Variants in DYM observed in about 807,000 individuals in gnomAD.
The protein encoded by DYM is dyggve-Melchior-Clausen syndrome protein.
In DYM, 78 loss-of-function variants were observed where a neutral mutation model predicts 93.1. That is an observed-to-expected ratio of 0.84 (90% CI 0.70 to 1.01). The LOEUF is 1.01. Among genes scored for constraint, DYM ranks in the 50% least tolerant of loss-of-function variants. The pLI is 0.00. For synonymous variants in DYM, 321 were observed against 319.7 expected (o/e 1.00, Z -0.04); for missense variants, 789 against 845.0 (o/e 0.93, Z 0.82).
At chr18:49,414,754 G>A (rs1018156287) in intron 2 of DYM, among the ~76,000 whole-genome samples, 57 of 152,220 alleles carry the variant, frequency 3.7e-4, no homozygotes, top group African/African-American at 1.3e-3. Flanking sequence ...ATCTCCTAAA[G>A]CTATTGCTCT....
At chr18:49,202,412 C>G (rs1466910230) in intron 14 of DYM, among the ~76,000 whole-genome samples, 3 of 148,118 alleles carry the variant, frequency 2.0e-5, no homozygotes, top group East Asian at 2.0e-4. Flanking sequence ...GCCCGGCCGC[C>G]ACCCCGTCTG....
intron 6 of DYM, among the ~76,000 whole-genome samples, chr18:49,340,241 T>A (rs1404753698): frequency 6.6e-6 from 1 of 152,018 alleles, no homozygotes; most frequent in East Asian, 1.9e-4. Flanking sequence ...CGTGAGCCAC[T>A]GCACCCGGCC....
chr18:49,229,515 T>C (rs960729481), intron 13 of DYM, among the ~76,000 whole-genome samples: 11 of 152,044 alleles, frequency 7.2e-5, no homozygotes, highest in African/African-American at 2.4e-4. Flanking sequence ...AAAGAACACA[T>C]GAAAAGATGC....
intron 13 of DYM, among the ~76,000 whole-genome samples, chr18:49,236,237 T>C (rs1316130086): frequency 6.6e-6 from 1 of 152,098 alleles, no homozygotes; most frequent in African/African-American, 2.4e-5. Flanking sequence ...TCCCAGCACC[T>C]TGAGAGGCTG....
At position 49,191,715 on chromosome 18, in the gene DYM, C is replaced by T. The variant is rs1600491396; in HGVS notation, c.1625+17836G>A. ...TGTGAGTAGGTAAAGAACAGAAGTTCAATAATTTAGACACAAATATAATTT... is the reference window on the plus strand; with the variant it reads ...TGTGAGTAGGTAAAGAACAGAAGTTTAATAATTTAGACACAAATATAATTT... On this transcript the variant is annotated intron_variant, in intron 14 of 17. Coordinates refer to ENST00000675505, the MANE Select transcript of DYM (RefSeq NM_001353214.3). 2.6e-5 allele frequency among the ~76,000 whole-genome samples: 4 copies of T among 152,014 alleles called. 1 individual carries two copies. The South Asian group carries it at 8.4e-4, about 32-fold the overall frequency.
At chr18:49,121,610 T>C (rs950329980) in intron 15 of DYM, among the ~76,000 whole-genome samples, 3 of 151,968 alleles carry the variant, frequency 2.0e-5, no homozygotes, top group Non-Finnish European at 2.9e-5. Context: ...TGTACTTAGA[T>C]CCATCAAATT....
intron 6 of DYM, chr18:49,359,620 G>A (rs1428112687): frequency 6.6e-6 from 1 of 152,142 alleles, no homozygotes; most frequent in Admixed American, 6.5e-5. Flanking sequence ...GCATACACAT[G>A]TATGTGTCCG....
intron 5 of DYM, among the ~76,000 whole-genome samples, chr18:49,374,198 G>GAA (rs2067282361): frequency 1.3e-5 from 2 of 152,110 alleles, no homozygotes; most frequent in South Asian, 4.1e-4. Context: ...TTCTCTCCTA[G>GAA]AAAAAAATAA....
At chr18:49,378,495 T>C (rs2067723702) in intron 5 of DYM, 72 bp downstream of exon 5, 1 of 1,426,680 alleles carries the variant, frequency 7.0e-7, no homozygotes, top group Non-Finnish European at 9.8e-7. Context: ...AAAATCATAC[T>C]TTTATTCCTG....
rs116163618 is a variant in DYM, at chr18:49,363,728, C to T, written c.422-495G>A. ...CCTCTGGCACTCCACGGATCATAGA[C>T]TGAACCCCATTAAAGAGGCCAACCT... On this transcript the variant is annotated intron_variant, in intron 5 of 17. Coordinates refer to ENST00000675505, the MANE Select transcript of DYM (RefSeq NM_001353214.3). Among the ~76,000 whole-genome samples the T allele has an allele frequency of 3.4e-3, 524 of 152,286 alleles. 3 individuals are homozygous for T. Among genetic ancestry groups the T allele is most frequent in the African/African-American group, 0.012 (486 of 41,552 alleles).
At chr18:49,426,062 C>T (rs7244976) in intron 2 of DYM, among the ~76,000 whole-genome samples, 105,277 of 151,400 alleles carry the variant, frequency 0.7, 36,725 homozygotes, top group Admixed American at 0.74. Context: ...ACCCACAGGA[C>T]CGTAAAGCAT....
At chr18:49,317,652 CCTTCCT>C (rs1568236908) in intron 8 of DYM, among the ~76,000 whole-genome samples, 48 of 58,728 alleles carry the variant, frequency 8.2e-4, no homozygotes, top group African/African-American at 2.9e-3. Context: ...TCCTCTCCTT[CCTTCCT>C]TCCTTCCTTC....
chr18:49,430,714 G>A lies in DYM; in HGVS notation c.-53-267C>T, dbSNP rs573829730. 3.2e-3 allele frequency among the ~76,000 whole-genome samples: 485 copies of A among 152,032 alleles called. 2 individuals are homozygous for A. The highest frequency in any genetic ancestry group is 5.8e-3 in the Non-Finnish European group (391 of 67,978). ...ATCCTGGCCAACACGGTGAAACCCCGTCTCTACTAAAAATACAAAACTTAG... is the reference window on the plus strand; with the variant it reads ...ATCCTGGCCAACACGGTGAAACCCCATCTCTACTAAAAATACAAAACTTAG... On this transcript the variant is annotated intron_variant, in intron 1 of 17. Coordinates refer to ENST00000675505, the MANE Select transcript of DYM (RefSeq NM_001353214.3).
At chr18:49,428,571 A>C (rs1031747032) in intron 2 of DYM, among the ~76,000 whole-genome samples, 3 of 152,156 alleles carry the variant, frequency 2.0e-5, no homozygotes, top group African/African-American at 7.2e-5. Context: ...CGTTAAGCCC[A>C]GTTACTCGGG....
At chr18:49,132,882 T>C (rs2083493648) in intron 15 of DYM, among the ~76,000 whole-genome samples, 1 of 152,156 alleles carries the variant, frequency 6.6e-6, no homozygotes, top group Non-Finnish European at 1.5e-5. Flanking sequence ...AATAGGCACT[T>C]CTCATATAAA....
In DYM at chr18:49,042,169, G is replaced by A. The variant is rs1288636575; in HGVS notation, c.*1886C>T. ...GCCACAAAGCTAAGTATTAGTAGAA[G>A]TTGTTGCCAAGCCTCACCTCTAGCC... On this transcript the variant is annotated 3_prime_UTR_variant, in exon 18 of 18. Transcript: ENST00000675505. 6.5e-6 allele frequency: 1 copy of A among 152,810 alleles called. No individual in the cohort carries two copies. Among genetic ancestry groups the A allele is most frequent in the Non-Finnish European group, 1.5e-5 (1 of 68,058 alleles). 9.5% of individuals were successfully genotyped at this position (152,810 alleles called of 1,614,324 possible). A position where few individuals can be genotyped will look rare whatever the true frequency, so the allele number is the denominator to read the frequency against.
At chr18:49,108,018 G>A (rs1000640952) in intron 16 of DYM, among the ~76,000 whole-genome samples, 2 of 152,262 alleles carry the variant, frequency 1.3e-5, no homozygotes, top group African/African-American at 2.4e-5. Flanking sequence ...AGTCTACAGA[G>A]GCAGGCAGGC....
chr18:49,310,929 ATATTT>A (rs1198898077), intron 8 of DYM, among the ~76,000 whole-genome samples: 1 of 152,232 alleles, frequency 6.6e-6, no homozygotes, highest in Admixed American at 6.5e-5. Context: ...TTACATTAAT[ATATTT>A]TATTTAATCC....
At chr18:49,432,807 TCTCA>T (rs994423439) in intron 1 of DYM, among the ~76,000 whole-genome samples, 1 of 151,974 alleles carries the variant, frequency 6.6e-6, no homozygotes, top group African/African-American at 2.4e-5. Context: ...AAAGATGGGG[TCTCA>T]CTGTGTTGCC....
Sources: gnomAD v4.1 joint callset for allele counts (sites outside exome capture counted in the v4.1 genomes callset) on GRCh38, gnomAD v4.1.1 for gene constraint, MANE v1.5 for transcripts, NCBI Gene and HGNC (gene_info 2026-07-23, HGNC 2026-07-21) for gene names.